Variants in SGCZ observed in about 807,000 individuals in gnomAD.
The protein encoded by SGCZ is zeta-sarcoglycan.
A neutral mutation model predicts 41.3 loss-of-function variants in SGCZ; 40 were observed. The ratio of observed to expected loss-of-function variants is 0.97; its 90% CI spans 0.75 to 1.26. The LOEUF is 1.26. SGCZ is among the 50% of genes most tolerant of loss of function. The probability of loss-of-function intolerance (pLI) is 0.00; values close to 1 mark genes in which losing one functional copy is unlikely to be tolerated. For missense variants in SGCZ, 552 were observed against 369.8 expected (o/e 1.49, Z -4.04); for synonymous variants, 206 against 137.5 (o/e 1.50, Z -3.49).
intron 1 of SGCZ, among the ~76,000 whole-genome samples, chr8:14,777,839 G>T (rs981760109): frequency 2.0e-5 from 3 of 151,122 alleles, no homozygotes; most frequent in Non-Finnish European, 4.4e-5. Flanking sequence ...TCTGAGTGAA[G>T]GATATACAGA....
At chr8:15,176,197 G>A (rs1799996548) in intron 1 of SGCZ, among the ~76,000 whole-genome samples, 1 of 152,144 alleles carries the variant, frequency 6.6e-6, no homozygotes, top group African/African-American at 2.4e-5. Flanking sequence ...AAAGCTGAGA[G>A]GCTTTAATCT....
intron 1 of SGCZ, among the ~76,000 whole-genome samples, chr8:14,737,062 T>C (rs545562338): frequency 1.0e-3 from 149 of 149,142 alleles, no homozygotes; most frequent in Admixed American, 2.4e-3. Context: ...TATATCTATA[T>C]AACAGTATAT....
intron 1 of SGCZ, among the ~76,000 whole-genome samples, chr8:14,560,058 T>G (rs566425093): frequency 6.6e-6 from 1 of 151,914 alleles, no homozygotes; most frequent in African/African-American, 2.4e-5. Flanking sequence ...AGAGAAAACA[T>G]AAAAAGAGAA....
chr8:14,793,465 C>G (rs773620462), intron 1 of SGCZ, among the ~76,000 whole-genome samples: 16 of 152,112 alleles, frequency 1.1e-4, no homozygotes, highest in Non-Finnish European at 2.9e-5. Context: ...AAAAATTATC[C>G]AGCCACAAAT....
intron 1 of SGCZ, among the ~76,000 whole-genome samples, chr8:14,883,582 C>T (rs1325086268): frequency 6.6e-6 from 1 of 152,030 alleles, no homozygotes; most frequent in Non-Finnish European, 1.5e-5. Flanking sequence ...TTTCACACTT[C>T]ATATTTCATT....
At chr8:14,426,439 T>C (rs1031791744) in intron 2 of SGCZ, among the ~76,000 whole-genome samples, 4 of 145,200 alleles carry the variant, frequency 2.8e-5, no homozygotes, top group African/African-American at 1.1e-4. Flanking sequence ...GTGGTGCAAG[T>C]CAATGCAAAT....
intron 1 of SGCZ, among the ~76,000 whole-genome samples, chr8:15,008,580 G>A (rs1298277533): frequency 2.6e-4 from 13 of 49,646 alleles, no homozygotes; most frequent in African/African-American, 1.0e-3. Flanking sequence ...AGGGGGAGGG[G>A]GAGGGGAGGG....
At chr8:14,710,209 A>G (rs1220899505) in intron 1 of SGCZ, among the ~76,000 whole-genome samples, 1 of 131,880 alleles carries the variant, frequency 7.6e-6, no homozygotes. Flanking sequence ...ACTAAAAAAA[A>G]CAAAAAAAAA....
At chr8:14,285,698 C>T (rs1336048030) in intron 3 of SGCZ, among the ~76,000 whole-genome samples, 3 of 152,060 alleles carry the variant, frequency 2.0e-5, no homozygotes, top group African/African-American at 7.2e-5. Context: ...GATAGTTGTA[C>T]AGAAACCAGG....
At position 15,010,929 on chromosome 8, in the gene SGCZ, G is replaced by C. The variant is rs530162391; in HGVS notation, c.39+226656C>G. On this transcript the variant is annotated intron_variant, in intron 1 of 7. Coordinates refer to ENST00000382080, the MANE Select transcript of SGCZ (RefSeq NM_139167.4). ...CAAACTTTAGATCCCTGGCTAACTT[G>C]AGAGGCAATGAAACTTCTGCCCTGG... is the stretch of plus-strand genomic sequence containing the variant. Among the ~76,000 whole-genome samples the C allele has an allele frequency of 1.9e-3, 290 of 152,290 alleles. 1 individual carries two copies. Among genetic ancestry groups the C allele is most frequent in the African/African-American group, 6.8e-3 (282 of 41,556 alleles).
chr8:15,187,544 T>C (rs910858244), intron 1 of SGCZ, among the ~76,000 whole-genome samples: 3 of 152,174 alleles, frequency 2.0e-5, no homozygotes, highest in African/African-American at 4.8e-5. Flanking sequence ...AGTTAATTTA[T>C]TGTAAATAGT....
intron 1 of SGCZ, among the ~76,000 whole-genome samples, chr8:14,574,262 T>TG: frequency 6.6e-6 from 1 of 152,032 alleles, no homozygotes; most frequent in East Asian, 1.9e-4. Context: ...CAAAGATTCT[T>TG]GCTGACTTTG....
chr8:14,959,358 TG>T (rs2130848573), intron 1 of SGCZ, among the ~76,000 whole-genome samples: 1 of 152,240 alleles, frequency 6.6e-6, no homozygotes, highest in East Asian at 1.9e-4. Context: ...ATATTAGTTC[TG>T]GTGCAGCAGG....
chr8:14,309,593 A>G, intron 3 of SGCZ: 1 of 1,610,926 alleles, frequency 6.2e-7, no homozygotes, highest in African/African-American at 1.3e-5. Flanking sequence ...GACTTCATCC[A>G]AAGATAGTGA....
intron 1 of SGCZ, among the ~76,000 whole-genome samples, chr8:15,137,938 C>T (rs943869257): frequency 6.6e-6 from 1 of 152,148 alleles, no homozygotes; most frequent in Non-Finnish European, 1.5e-5. Context: ...GATCCACTGA[C>T]AGCTTGCACT....
At chr8:14,491,973 G>A (rs1212723803) in intron 2 of SGCZ, among the ~76,000 whole-genome samples, 4 of 152,014 alleles carry the variant, frequency 2.6e-5, no homozygotes, top group Non-Finnish European at 5.9e-5. Flanking sequence ...AATCTAAGAC[G>A]ACTTAGATAT....
chr8:14,981,099 A>G (rs1801649479), intron 1 of SGCZ, among the ~76,000 whole-genome samples: 1 of 151,914 alleles, frequency 6.6e-6, no homozygotes, highest in African/African-American at 2.4e-5. Context: ...TCTCCTACCA[A>G]CTCATATTTG....
At position 14,215,767 on chromosome 8, in the gene SGCZ, C is replaced by T. The variant is rs999087889; in HGVS notation, c.424+21825G>A. The stretch of plus-strand genomic sequence containing the variant: ...AAACAACTCAAAAGACTACATATTA[C>T]CAAAAGCAAAATAAGATAAAACAAA... On this transcript the variant is annotated intron_variant, in intron 4 of 7. Transcript: ENST00000382080. Among the ~76,000 whole-genome samples, 3 of 152,070 alleles carry T rather than the reference C, an allele frequency of 2.0e-5. No homozygotes were observed. The East Asian group carries it at 5.8e-4, about 29-fold the overall frequency.
At chr8:15,172,154 G>GTTTTTTTTTTTTTTTTT (rs1183210302) in intron 1 of SGCZ, among the ~76,000 whole-genome samples, 3 of 71,766 alleles carry the variant, frequency 4.2e-5, no homozygotes, top group African/African-American at 1.5e-4. Context: ...TTTATACTCT[G>GTTTTTTTTTTTTTTTTT]TTTTTTTTTT....
Sources: gnomAD v4.1 joint callset for allele counts (sites outside exome capture counted in the v4.1 genomes callset) on GRCh38, gnomAD v4.1.1 for gene constraint, MANE v1.5 for transcripts, NCBI Gene and HGNC (gene_info 2026-07-23, HGNC 2026-07-21) for gene names.